Variants in XKR9 observed in about 807,000 individuals in gnomAD.
XKR9 encodes XK-related protein 9.
A neutral mutation model predicts 32.0 loss-of-function variants in XKR9; 32 were observed. That is an observed-to-expected ratio of 1.00 (90% CI 0.76 to 1.34). The LOEUF (loss-of-function observed/expected upper bound fraction) is 1.34. Among genes scored for constraint, XKR9 ranks in the 40% most tolerant of loss-of-function variants. The pLI is 0.00. For missense variants in XKR9, 546 were observed against 429.7 expected (o/e 1.27, Z -2.39); for synonymous variants, 168 against 143.4 (o/e 1.17, Z -1.22).
the XKR9 span, among the ~76,000 whole-genome samples, chr8:71,002,957 C>T: frequency 6.6e-6 from 1 of 152,244 alleles, no homozygotes. Flanking sequence ...TTGGCACCAG[C>T]TCTGCAGGCT....
chr8:70,794,193 A>G (rs538013290), downstream of XKR9, among the ~76,000 whole-genome samples: 2 of 152,172 alleles, frequency 1.3e-5, no homozygotes, highest in Admixed American at 1.3e-4. Context: ...TTATTTTTGC[A>G]TACTGGCCTT....
chr8:70,978,328 A>T, the XKR9 span, among the ~76,000 whole-genome samples: 2 of 152,132 alleles, frequency 1.3e-5, no homozygotes, highest in Admixed American at 6.5e-5. Flanking sequence ...TCTCTCTAGC[A>T]TCGATGGTCT....
intron 2 of XKR9, among the ~76,000 whole-genome samples, chr8:70,767,987 G>T (rs530523302): frequency 6.6e-6 from 1 of 151,960 alleles, no homozygotes; most frequent in Non-Finnish European, 1.5e-5. Flanking sequence ...GTTTGCTCTT[G>T]CTTCTGTAGT....
chr8:70,717,588 G>T (rs1806134179), intron 4 of XKR9, among the ~76,000 whole-genome samples: 1 of 152,146 alleles, frequency 6.6e-6, no homozygotes, highest in African/African-American at 2.4e-5. Flanking sequence ...ACCATGTCCT[G>T]AGGCTGCATA....
chr8:70,781,436 G>C (rs1807614693), intron 2 of XKR9, among the ~76,000 whole-genome samples: 1 of 150,844 alleles, frequency 6.6e-6, no homozygotes, highest in South Asian at 2.1e-4. Context: ...ATATTTATGG[G>C]ATACAGGGTG....
chr8:70,977,939 T>G, the XKR9 span, among the ~76,000 whole-genome samples: 1 of 152,220 alleles, frequency 6.6e-6, no homozygotes, highest in Non-Finnish European at 1.5e-5. Flanking sequence ...TGCATGTATA[T>G]TTAGGGTAAT....
At chr8:71,055,325 A>C in the XKR9 span, among the ~76,000 whole-genome samples, 1 of 152,240 alleles carries the variant, frequency 6.6e-6, no homozygotes, top group Non-Finnish European at 1.5e-5. Flanking sequence ...ATACAAATTC[A>C]GTGAGATAGG....
downstream of XKR9, among the ~76,000 whole-genome samples, chr8:70,792,621 C>A (rs1807778990): frequency 6.6e-6 from 1 of 152,026 alleles, no homozygotes; most frequent in African/African-American, 2.4e-5. Context: ...CTTTAAGGAG[C>A]CTGACAAGGC....
intron 1 of XKR9, among the ~76,000 whole-genome samples, chr8:70,673,031 T>G (rs1818768348): frequency 6.6e-6 from 1 of 152,262 alleles, no homozygotes; most frequent in African/African-American, 2.4e-5. Flanking sequence ...CCCTGTTGAT[T>G]GTTTCCTTTG....
chr8:71,041,418 A>G, the XKR9 span, among the ~76,000 whole-genome samples: 16 of 152,316 alleles, frequency 1.1e-4, no homozygotes, highest in East Asian at 3.1e-3. Flanking sequence ...GGTTTAAAAT[A>G]TATGATAAAT....
intron 2 of XKR9, among the ~76,000 whole-genome samples, chr8:70,747,820 C>T (rs1363085995): frequency 6.6e-6 from 1 of 152,026 alleles, no homozygotes; most frequent in Non-Finnish European, 1.5e-5. Flanking sequence ...CTAGACTTGA[C>T]ATTATTTTTT....
At chr8:70,697,395 C>G (rs1296821751) in intron 3 of XKR9, among the ~76,000 whole-genome samples, 65 of 150,840 alleles carry the variant, frequency 4.3e-4, no homozygotes, top group African/African-American at 1.5e-3. Context: ...TAGCATGAAG[C>G]GTTGTTGAAT....
the XKR9 span, among the ~76,000 whole-genome samples, chr8:71,036,393 C>A: frequency 2.6e-5 from 4 of 152,028 alleles, no homozygotes; most frequent in Admixed American, 6.6e-5. Context: ...TAAGTTGTTA[C>A]AAACATAAAG....
chr8:70,824,628 G>T, the XKR9 span, among the ~76,000 whole-genome samples: 13 of 152,004 alleles, frequency 8.6e-5, no homozygotes, highest in African/African-American at 3.1e-4. Flanking sequence ...GGAATTTAAA[G>T]AAGTTAAACA....
the XKR9 span, among the ~76,000 whole-genome samples, chr8:70,963,104 A>G: frequency 6.6e-6 from 1 of 151,794 alleles, no homozygotes; most frequent in Admixed American, 6.6e-5. Flanking sequence ...ATTCTTCCTT[A>G]TGCTCCCCCT....
chr8:70,701,065 C>T (rs1452970330), intron 3 of XKR9, among the ~76,000 whole-genome samples: 1 of 152,130 alleles, frequency 6.6e-6, no homozygotes. Context: ...GTGGGAGTGA[C>T]CCGATTTTCC....
chr8:70,725,563 C>A (rs1253581994), intron 4 of XKR9, among the ~76,000 whole-genome samples: 1 of 152,014 alleles, frequency 6.6e-6, no homozygotes, highest in Non-Finnish European at 1.5e-5. Context: ...TTCTTATATA[C>A]TCTGTAGAAC....
At chr8:70,784,626 G>A (rs1191156523) in intron 2 of XKR9, among the ~76,000 whole-genome samples, 1 of 151,660 alleles carries the variant, frequency 6.6e-6, no homozygotes, top group African/African-American at 2.4e-5. Context: ...CTATATATAA[G>A]ATCATGGCAT....
chr8:71,000,608 G>A, the XKR9 span, among the ~76,000 whole-genome samples: 2 of 152,324 alleles, frequency 1.3e-5, no homozygotes, highest in African/African-American at 4.8e-5. Flanking sequence ...GACAGGCCAA[G>A]AAATCAAAGG....
Sources: gnomAD v4.1 joint callset for allele counts (sites outside exome capture counted in the v4.1 genomes callset) on GRCh38, gnomAD v4.1.1 for gene constraint, MANE v1.5 for transcripts, NCBI Gene and HGNC (gene_info 2026-07-23, HGNC 2026-07-21) for gene names.